The following DCC variants were observed in gnomAD, a reference collection of about 807,000 sequenced individuals.
DCC encodes the protein netrin receptor DCC.
A neutral mutation model predicts 172.5 loss-of-function variants in DCC; 58 were observed. That is an observed-to-expected ratio of 0.34 (90% CI 0.27 to 0.42). DCC has a LOEUF of 0.42. DCC is among the 10% of genes least tolerant of loss of function. The probability of loss-of-function intolerance (pLI) is 1.00; values close to 1 mark genes in which losing one functional copy is unlikely to be tolerated. For synonymous variants in DCC, 709 were observed against 644.5 expected (o/e 1.10, Z -1.52); for missense variants, 1,740 against 1,791.0 (o/e 0.97, Z 0.51).
intron 7 of DCC, among the ~76,000 whole-genome samples, chr18:53,138,400 C>T (rs1414281679): frequency 6.6e-6 from 1 of 152,040 alleles, no homozygotes; most frequent in African/African-American, 2.4e-5. Flanking sequence ...TTATGGTTGC[C>T]TACTATTCAT....
intron 1 of DCC, among the ~76,000 whole-genome samples, chr18:52,549,420 A>G (rs2032702423): frequency 6.6e-6 from 1 of 151,940 alleles, no homozygotes; most frequent in African/African-American, 2.4e-5. Context: ...TTACCTTATA[A>G]GCACAGTCCA....
At chr18:52,616,620 A>C (rs2034386923) in intron 1 of DCC, among the ~76,000 whole-genome samples, 1 of 152,198 alleles carries the variant, frequency 6.6e-6, no homozygotes, top group Non-Finnish European at 1.5e-5. Flanking sequence ...TTTAGTGTCT[A>C]TTAAAACTAT....
At chr18:53,484,746 C>T (rs1426805213) in intron 25 of DCC, among the ~76,000 whole-genome samples, 6 of 151,908 alleles carry the variant, frequency 3.9e-5, no homozygotes, top group Admixed American at 3.9e-4. Context: ...GTTTTTCTTT[C>T]TCAGTATTGC....
intron 2 of DCC, among the ~76,000 whole-genome samples, chr18:52,824,823 A>T (rs1358555702): frequency 6.6e-6 from 1 of 152,084 alleles, no homozygotes; most frequent in Admixed American, 6.6e-5. Flanking sequence ...TACAAAAATT[A>T]GCCAGGCATG....
intron 1 of DCC, among the ~76,000 whole-genome samples, chr18:52,405,930 G>A (rs1464630108): frequency 2.0e-5 from 3 of 151,744 alleles, no homozygotes; most frequent in Non-Finnish European, 2.9e-5. Flanking sequence ...TATACTACAA[G>A]GCTACAGTAA....
intron 25 of DCC, among the ~76,000 whole-genome samples, chr18:53,471,161 T>C (rs1162807576): frequency 6.6e-6 from 1 of 152,152 alleles, no homozygotes; most frequent in Admixed American, 6.5e-5. Context: ...ACAAAAAAAC[T>C]ATTCGTATTT....
intron 19 of DCC, among the ~76,000 whole-genome samples, chr18:53,407,570 C>G (rs1400961455): frequency 8.5e-6 from 1 of 118,150 alleles, no homozygotes; most frequent in African/African-American, 3.0e-5. Flanking sequence ...CTATTACTCT[C>G]TCTCTATATA....
rs117349141 is a variant in DCC, at chr18:53,363,755, A to G, written c.2360-22288A>G. Reference sequence around the variant, plus strand: ...GTTTTAGGTTTTTCAAATATATTGAATTGAGTAGTAGTGACTTGTACCACA... The same window carrying G: ...GTTTTAGGTTTTTCAAATATATTGAGTTGAGTAGTAGTGACTTGTACCACA... On this transcript the variant is annotated intron_variant, in intron 15 of 28. Transcript: ENST00000442544. 7.2e-3 allele frequency among the ~76,000 whole-genome samples: 1,102 copies of G among 152,308 alleles called. 7 individuals are homozygous for G. The highest frequency in any genetic ancestry group is 0.012 in the Non-Finnish European group (826 of 68,034).
chr18:53,499,358 A>G lies in DCC; in HGVS notation c.3959A>G (p.His1320Arg). The G allele has an allele frequency of 6.2e-7, 1 of 1,614,096 alleles. No homozygotes were observed. Among genetic ancestry groups the G allele is most frequent in the South Asian group, 1.1e-5 (1 of 91,080 alleles). ...PPMLPPSQPE[H>R]SSSEEAPSRT... The stretch of plus-strand genomic sequence containing the variant: ...ATGCTGCCCCCATCTCAGCCTGAGC[A>G]TTCTAGCAGCGAGGAGGCACCAAGC... The change falls in exon 27 of 29, where the codon CAT (histidine) becomes CGT (arginine). Residue 1320 changes from histidine to arginine, a missense_variant. His to Arg is a conservative substitution (Grantham distance 29). Around this residue, in one of 2 missense-constraint regions of DCC, gnomAD observed 1,732 missense variants for 1,767.4 expected, o/e 0.98. Coordinates refer to ENST00000442544, the MANE Select transcript of DCC (RefSeq NM_005215.4).
In DCC at chr18:52,562,048, A is replaced by G. The variant is rs2033051682; in HGVS notation, c.92-190006A>G. On this transcript the variant is annotated intron_variant, in intron 1 of 28. Transcript: ENST00000442544. ...AGAAGACAGAGACATAGCAAAGTACAGACTCTCAGGAGACTGACATCTAGT... is the reference window on the plus strand; with the variant it reads ...AGAAGACAGAGACATAGCAAAGTACGGACTCTCAGGAGACTGACATCTAGT... Among the ~76,000 whole-genome samples the G allele has an allele frequency of 2.6e-5, 4 of 152,206 alleles. No homozygotes were observed. The South Asian group carries it at 6.2e-4, about 24-fold the overall frequency.
intron 1 of DCC, among the ~76,000 whole-genome samples, chr18:52,522,469 T>A (rs1259770713): frequency 6.6e-6 from 1 of 152,206 alleles, no homozygotes; most frequent in African/African-American, 2.4e-5. Flanking sequence ...AAATCTCTCC[T>A]TTTTTCTTTC....
intron 1 of DCC, among the ~76,000 whole-genome samples, chr18:52,424,335 G>A (rs1286648594): frequency 1.3e-5 from 2 of 152,080 alleles, no homozygotes; most frequent in African/African-American, 4.8e-5. Flanking sequence ...GCAGGGATCA[G>A]AACCAGCACC....
At chr18:53,275,754 T>G (rs1165882821) in intron 12 of DCC, among the ~76,000 whole-genome samples, 1 of 152,134 alleles carries the variant, frequency 6.6e-6, no homozygotes, top group Admixed American at 6.6e-5. Flanking sequence ...TTTTGAGAGC[T>G]AATGTGGTAG....
At chr18:53,301,397 A>G (rs957393364) in intron 12 of DCC, among the ~76,000 whole-genome samples, 1 of 151,800 alleles carries the variant, frequency 6.6e-6, no homozygotes, top group African/African-American at 2.4e-5. Flanking sequence ...CTGTGTCTGG[A>G]TTCTTTCTAA....
At chr18:53,134,069 G>A (rs1407486133) in intron 7 of DCC, among the ~76,000 whole-genome samples, 2 of 152,168 alleles carry the variant, frequency 1.3e-5, no homozygotes, top group Non-Finnish European at 2.9e-5. Flanking sequence ...CTTTCAGCCA[G>A]TCATACTCAT....
chr18:52,645,685 A>T (rs964418483), intron 1 of DCC, among the ~76,000 whole-genome samples: 1 of 152,174 alleles, frequency 6.6e-6, no homozygotes, highest in African/African-American at 2.4e-5. Context: ...AATAAAAAAA[A>T]ATTATTGACT....
chr18:53,410,326 G>A, intron 19 of DCC, 126 bp from the exon 20 acceptor site: 1 of 714,228 alleles, frequency 1.4e-6, no homozygotes, highest in Non-Finnish European at 2.6e-6. Flanking sequence ...TTACAGAACT[G>A]CTGTAGTTTA....
chr18:53,133,572 C>T (rs1279297574), intron 7 of DCC, among the ~76,000 whole-genome samples: 2 of 152,142 alleles, frequency 1.3e-5, no homozygotes, highest in Admixed American at 1.3e-4. Flanking sequence ...ACCAAGGGAG[C>T]TCTAAATAAT....
intron 1 of DCC, among the ~76,000 whole-genome samples, chr18:52,398,411 T>C (rs12960169): frequency 0.24 from 36,406 of 151,874 alleles, 4,609 homozygotes; most frequent in Middle Eastern, 0.31. Flanking sequence ...GTTACTAACT[T>C]GATCATTCTT....
Sources: gnomAD v4.1 joint callset for allele counts (sites outside exome capture counted in the v4.1 genomes callset) on GRCh38, gnomAD v4.1.1 for gene constraint, gnomAD v4.1.1 regional missense constraint, MANE v1.5 for transcripts, NCBI Gene and HGNC (gene_info 2026-07-23, HGNC 2026-07-21) for gene names.